KCNN1: variants seen among roughly 807,000 people sequenced by gnomAD.
KCNN1 encodes potassium calcium-activated channel subfamily N member 1.
A neutral mutation model predicts 44.7 loss-of-function variants in KCNN1; 20 were observed. That is an observed-to-expected ratio of 0.45 (90% CI 0.32 to 0.65). The LOEUF (loss-of-function observed/expected upper bound fraction) is 0.65. KCNN1 is among the 30% of genes least tolerant of loss of function. The probability of loss-of-function intolerance (pLI) is 0.05; values close to 1 mark genes in which losing one functional copy is unlikely to be tolerated. For missense variants in KCNN1, 632 were observed against 785.3 expected (o/e 0.80, Z 2.33); for synonymous variants, 324 against 341.7 (o/e 0.95, Z 0.57).
chr19:17,964,094 T>TA (rs1289945730), upstream of KCNN1, among the ~76,000 whole-genome samples: 7 of 152,152 alleles, frequency 4.6e-5, no homozygotes, highest in African/African-American at 1.7e-4. The surrounding 1 kb of genome is among the most constrained non-coding windows in gnomAD (Gnocchi z 4.3). Context: ...GAGAAGGGGC[T>TA]ATGTGGATAT....
At chr19:17,969,427 C>T (rs1398487027) in intron 1 of KCNN1, among the ~76,000 whole-genome samples, 1 of 152,118 alleles carries the variant, frequency 6.6e-6, no homozygotes, top group Non-Finnish European at 1.5e-5. Context: ...ATGTGATCAC[C>T]CTGATCTCAG....
In KCNN1 at chr19:17,977,630, G is replaced by A. The variant is rs145753144; in HGVS notation, c.498+2443G>A. Among the ~76,000 whole-genome samples, 159 of 152,110 alleles carry A rather than the reference G, an allele frequency of 1.0e-3. 1 individual carries two copies. Among genetic ancestry groups the A allele is most frequent in the African/African-American group, 3.6e-3 (150 of 41,530 alleles). The stretch of plus-strand genomic sequence containing the variant: ...CTCCCAAAGTGCTGAGATTTCAGGC[G>A]TGAGCCACTATGCCTGGCCTGATTC... On this transcript the variant is annotated intron_variant, in intron 3 of 9. Transcript: ENST00000684775.
At chr19:17,987,028 A>C (rs986196302) in intron 5 of KCNN1, among the ~76,000 whole-genome samples, 15 of 150,582 alleles carry the variant, frequency 1.0e-4, no homozygotes, top group Admixed American at 2.7e-4. Context: ...TCTGGTCTTG[A>C]ACTCCCAACC....
chr19:17,989,639 T>C lies in KCNN1; in HGVS notation c.1171-77T>C. On this transcript the variant is annotated intron_variant, in intron 6 of 9. Transcript: ENST00000684775. ...ATTTCCAGAAGTTTCTAGAGGTTTC[T>C]GGAAGATTCTAGACATTTCTGGAGC... The C allele has an allele frequency of 1.9e-6, 3 of 1,600,114 alleles. No individual in the cohort carries two copies. In the East Asian group the frequency reaches 6.7e-5, roughly 36 times the overall value.
chr19:17,982,704 C>T (rs2032459198), intron 4 of KCNN1: 3 of 583,838 alleles, frequency 5.1e-6, no homozygotes, highest in Non-Finnish European at 4.3e-6. Flanking sequence ...ACGGGCCCGG[C>T]GGGGTGGGTC....
chr19:17,962,069 T>C (rs2031694956), intron 2 of KCNN1, among the ~76,000 whole-genome samples: 1 of 151,826 alleles, frequency 6.6e-6, no homozygotes, highest in African/African-American at 2.4e-5. Context: ...ATTTATGGGA[T>C]CGGTTGGACC....
chr19:17,993,848 T>C lies in KCNN1; in HGVS notation c.1377+289T>C, dbSNP rs899916471. 6.6e-6 allele frequency among the ~76,000 whole-genome samples: 1 copy of C among 152,070 alleles called. No homozygotes were observed. The highest frequency in any genetic ancestry group is 1.5e-5 in the Non-Finnish European group (1 of 67,998). On this transcript the variant is annotated intron_variant, in intron 9 of 9. Transcript: ENST00000684775. The surrounding 1 kb of genome is among the most constrained non-coding windows in gnomAD (Gnocchi z 4.5). ...TCGCTTGAACTTGGGGGGTTGAGGC[T>C]GCAGTGAGCCGAGATGGCACCACTG...
At chr19:17,996,186 T>C (rs73528108) in intron 9 of KCNN1, among the ~76,000 whole-genome samples, 2 of 90,088 alleles carry the variant, frequency 2.2e-5, no homozygotes, top group Non-Finnish European at 4.5e-5. Flanking sequence ...AAAAAAAAAA[T>C]AGAAAAATTA....
intron 1 of KCNN1, among the ~76,000 whole-genome samples, chr19:17,951,629 G>C (rs983835977): frequency 1.3e-5 from 2 of 152,080 alleles, no homozygotes; most frequent in Admixed American, 1.3e-4. Context: ...CGCGCAGGTT[G>C]GGGGGAGGGT....
At chr19:17,997,640 C>T (rs541890001) in intron 9 of KCNN1, among the ~76,000 whole-genome samples, 39 of 152,286 alleles carry the variant, frequency 2.6e-4, no homozygotes, top group Non-Finnish European at 4.4e-4. Flanking sequence ...CTACCACATC[C>T]GGCTAATTTT....
chr19:17,985,192 C>A, intron 4 of KCNN1, 120 bp from the exon 5 acceptor site: 1 of 962,220 alleles, frequency 1.0e-6, no homozygotes. Flanking sequence ...CAGGACATAG[C>A]CCCAACGCAG....
In KCNN1 at chr19:17,973,908, A is replaced by G. The variant is rs1330320495; in HGVS notation, c.20A>G (p.Asn7Ser). Residue 7 changes from asparagine to serine, a missense_variant, in exon 2 of 10, where the codon AAT becomes AGT. Asn to Ser is a conservative substitution (Grantham distance 46). Transcript: ENST00000684775. ...GTAGTCATGAACAGCCACAGCTACA[A>G]TGGCAGCGTGGGGCGGCCGCTGGGC... MNSHSY[N>S]GSVGRPLGSG... 3 of 1,554,414 alleles carry G rather than the reference A, an allele frequency of 1.9e-6. No homozygotes were observed. Among genetic ancestry groups the G allele is most frequent in the Admixed American group, 1.9e-5 (1 of 51,630 alleles).
chr19:17,993,615 T>C lies in KCNN1; in HGVS notation c.1377+56T>C, dbSNP rs538109111. 2 of 1,389,684 alleles carry C rather than the reference T, an allele frequency of 1.4e-6. No individual in the cohort carries two copies. The highest frequency in any genetic ancestry group is 3.4e-5 in the Admixed American group (2 of 59,034). The allele number at this position is 1,389,684 out of a possible 1,614,324, so 86.1% of individuals were successfully genotyped here. ...AGGGCAGGTGGGGCCCCGGAGCAGA[T>C]GGGATGGGGCTCAGCTCCTGCCGGA... On this transcript the variant is annotated intron_variant, in intron 9 of 9. Transcript: ENST00000684775. The surrounding 1 kb of genome is among the most constrained non-coding windows in gnomAD (Gnocchi z 4.5).
At position 17,998,073 on chromosome 19, in the gene KCNN1, C is replaced by CT. The variant is rs1161976266; in HGVS notation, c.1378-78dup. 150 of 1,435,638 alleles carry CT rather than the reference C, an allele frequency of 1.0e-4. No homozygotes were observed. Among genetic ancestry groups the CT allele is most frequent in the Non-Finnish European group, 1.3e-4 (140 of 1,083,856 alleles). The allele number at this position is 1,435,638 out of a possible 1,614,324, so 88.9% of individuals were successfully genotyped here. ...CCTGGAGCGTGTGGGCTGTCCCTCT[C>CT]TGTCATTGGTGTCGTGGTATCGTCC... On this transcript the variant is annotated intron_variant, in intron 9 of 9. Transcript: ENST00000684775. The surrounding 1 kb of genome is among the most constrained non-coding windows in gnomAD (Gnocchi z 5.4).
At chr19:17,954,026 T>C (rs1456522225) in intron 1 of KCNN1, among the ~76,000 whole-genome samples, 2 of 152,028 alleles carry the variant, frequency 1.3e-5, no homozygotes, top group East Asian at 1.9e-4. Context: ...AAGCATTCAG[T>C]GTCTAGCTTC....
At position 17,967,130 on chromosome 19, in the gene KCNN1, C is replaced by T; in HGVS notation, c.-269C>T. On this transcript the variant is annotated 5_prime_UTR_variant, in exon 1 of 10. Coordinates refer to ENST00000684775, the MANE Select transcript of KCNN1 (RefSeq NM_001386974.1). ...GCGGGCGCTCGCCCCCCGCCGGGCC[C>T]GTGGACTGGGCGGCGGGGGATGCGC... 1.0e-6 allele frequency: 1 copy of T among 976,382 alleles called. No individual in the cohort carries two copies. The highest frequency in any genetic ancestry group is 4.7e-5 in the South Asian group (1 of 21,264). 60.5% of individuals were successfully genotyped at this position (976,382 alleles called of 1,614,324 possible).
chr19:17,970,461 G>A (rs2031980291), intron 1 of KCNN1, among the ~76,000 whole-genome samples: 1 of 151,676 alleles, frequency 6.6e-6, no homozygotes, highest in Admixed American at 6.6e-5. Flanking sequence ...GGGATGACAG[G>A]TGCCCACTAC....
Position 17,993,686 on chromosome 19 carries a change from A to G in KCNN1, c.1377+127A>G. On this transcript the variant is annotated intron_variant, in intron 9 of 9. Coordinates refer to ENST00000684775, the MANE Select transcript of KCNN1 (RefSeq NM_001386974.1). The surrounding 1 kb of genome is among the most constrained non-coding windows in gnomAD (Gnocchi z 4.5). ...GTGGGCTGAGTGCAGTGGCGGGCGGATCGCTTGAGCTCAGGAGTTTGAGAC... is the reference window on the plus strand; with the variant it reads ...GTGGGCTGAGTGCAGTGGCGGGCGGGTCGCTTGAGCTCAGGAGTTTGAGAC... The G allele has an allele frequency of 1.4e-6, 1 of 737,510 alleles. No individual in the cohort carries two copies. Among genetic ancestry groups the G allele is most frequent in the East Asian group, 2.7e-5 (1 of 37,556 alleles). 45.7% of individuals were successfully genotyped at this position (737,510 alleles called of 1,614,324 possible). A position where few individuals can be genotyped will look rare whatever the true frequency, so the allele number is the denominator to read the frequency against.
rs535426462 is a variant in KCNN1 at position 17,971,378 on chromosome 19, C to T, written c.-81-2430C>T. Among the ~76,000 whole-genome samples, 38 of 152,298 alleles carry T rather than the reference C, an allele frequency of 2.5e-4. No homozygotes were observed. In the South Asian group the frequency reaches 5.0e-3, roughly 20 times the overall value. On this transcript the variant is annotated intron_variant, in intron 1 of 9. Coordinates refer to ENST00000684775, the MANE Select transcript of KCNN1 (RefSeq NM_001386974.1). Reference sequence around the variant, plus strand: ...CACTTGGCCTCCACCCACCCCTGCCCAGCTTGTTGGGAAAATCTCACAAAG... The same window carrying T: ...CACTTGGCCTCCACCCACCCCTGCCTAGCTTGTTGGGAAAATCTCACAAAG...
Sources: allele counts gnomAD v4.1 joint callset (sites outside exome capture counted in the v4.1 genomes callset), GRCh38; gene constraint gnomAD v4.1.1; non-coding constraint Gnocchi (gnomAD v3.1); transcripts MANE v1.5; gene names NCBI Gene and HGNC (gene_info 2026-07-23, HGNC 2026-07-21).